NAV1: variants seen among roughly 807,000 people sequenced by gnomAD.
The protein encoded by NAV1 is pore membrane and/or filament interacting like protein 3.
In NAV1, 18 loss-of-function variants were observed where a neutral mutation model predicts 175.2. The ratio of observed to expected loss-of-function variants is 0.10; its 90% CI spans 0.07 to 0.15. NAV1 has a LOEUF of 0.15. Ranked by LOEUF, NAV1 falls within the 10% of genes least tolerant of loss-of-function variation. NAV1 has a pLI of 1.00. For missense variants in NAV1, 1,731 were observed against 2,436.6 expected, an observed-to-expected ratio of 0.71 and a Z score of 6.10; for synonymous variants, 897 against 978.7, an observed-to-expected ratio of 0.92 and a Z score of 1.56.
Position 201,817,085 on chromosome 1 carries a change from CA to C in NAV1, c.5341-2del. 1 of 1,613,646 alleles carries C rather than the reference CA, an allele frequency of 6.2e-7. No homozygotes were observed. Reference sequence around the variant, plus strand: ...CAGTAATCATATTTCACCTTCTTTCCAGGTCCATGGACAGAAAGCTGCTTGG... The same window carrying C: ...CAGTAATCATATTTCACCTTCTTTCCGGTCCATGGACAGAAAGCTGCTTGG... On this transcript the variant is annotated splice_acceptor_variant, in intron 28 of 29. Transcript: ENST00000367296. LOFTEE classifies it high-confidence loss of function.
intron 1 of NAV1, among the ~76,000 whole-genome samples, chr1:201,663,353 GCCCATGA>G (rs144729181): frequency 0.013 from 1,985 of 152,334 alleles, 45 homozygotes; most frequent in African/African-American, 0.044. Context: ...TTATGTTCGA[GCCCATGA>G]CCCATTTCCA....
chr1:201,569,865 C>T (rs371957977), intron 1 of NAV1, among the ~76,000 whole-genome samples: 5 of 152,310 alleles, frequency 3.3e-5, no homozygotes, highest in East Asian at 1.9e-4. Flanking sequence ...AGACATCCAG[C>T]TCTTAGGCTT....
At chr1:201,553,748 A>G (rs1235057958) in intron 1 of NAV1, among the ~76,000 whole-genome samples, 5 of 152,236 alleles carry the variant, frequency 3.3e-5, no homozygotes, top group African/African-American at 1.2e-4. Context: ...AACTTCATAT[A>G]AATGGAATCA....
At chr1:201,553,870 C>G (rs1346977400) in intron 1 of NAV1, among the ~76,000 whole-genome samples, 1 of 152,204 alleles carries the variant, frequency 6.6e-6, no homozygotes, top group Non-Finnish European at 1.5e-5. Context: ...TATGAATGTG[C>G]CACAGTTTGT....
At chr1:201,746,993 C>CA (rs35001839) in intron 3 of NAV1, among the ~76,000 whole-genome samples, 9,774 of 132,748 alleles carry the variant, frequency 0.074, 637 homozygotes, top group African/African-American at 0.19. Context: ...GACCCTGTCT[C>CA]AAAAAAAAAA....
chr1:201,601,387 G>A (rs1399530371), intron 2 of NAV1, among the ~76,000 whole-genome samples: 1 of 152,194 alleles, frequency 6.6e-6, no homozygotes, highest in Non-Finnish European at 1.5e-5. Context: ...GGAGACTAAG[G>A]TGGGAGGATC....
intron 1 of NAV1, among the ~76,000 whole-genome samples, chr1:201,684,016 T>C (rs1023497065): frequency 1.3e-5 from 2 of 151,984 alleles, no homozygotes; most frequent in Admixed American, 1.3e-4. Context: ...CAGTTCTACA[T>C]TTTTTATTTT....
At chr1:201,642,521 C>CTCTTTCTTTCTTTCTTTCTTTCTTTCTT in intron 2 of NAV1, among the ~76,000 whole-genome samples, 1 of 97,872 alleles carries the variant, frequency 1.0e-5, no homozygotes, top group African/African-American at 6.5e-5. Flanking sequence ...CTCTTTCTTT[C>CTCTTTCTTTCTTTCTTTCTTTCTTTCTT]TTTTTTTCTT....
chr1:201,751,903 A>G (rs564218732), intron 3 of NAV1, among the ~76,000 whole-genome samples: 9 of 152,206 alleles, frequency 5.9e-5, no homozygotes, highest in South Asian at 4.1e-4. Flanking sequence ...AAGAATTAAG[A>G]TTCCTTTTTC....
At chr1:201,790,909 T>C (rs556418131) in intron 13 of NAV1, 143 bp downstream of exon 17, 65 of 711,164 alleles carry the variant, frequency 9.1e-5, no homozygotes, top group Middle Eastern at 7.9e-4. Flanking sequence ...AGCTCTATGA[T>C]AGAAGACGAG....
intron 1 of NAV1, among the ~76,000 whole-genome samples, chr1:201,650,892 G>A (rs997940516): frequency 6.6e-6 from 1 of 152,170 alleles, no homozygotes; most frequent in Non-Finnish European, 1.5e-5. Flanking sequence ...AGCTGACCAG[G>A]CAGCCTCACT....
intron 2 of NAV1, among the ~76,000 whole-genome samples, chr1:201,716,879 A>G (rs980958369): frequency 3.3e-5 from 5 of 152,174 alleles, no homozygotes; most frequent in Non-Finnish European, 5.9e-5. Context: ...CCCTGTCTCA[A>G]AAATAAGTAA....
At chr1:201,678,419 C>T (rs1167920107) in intron 1 of NAV1, among the ~76,000 whole-genome samples, 1 of 152,122 alleles carries the variant, frequency 6.6e-6, no homozygotes, top group Non-Finnish European at 1.5e-5. Flanking sequence ...TTTACTCCAA[C>T]TCTTTGAGGT....
At chr1:201,562,434 G>A (rs1186665424) in intron 1 of NAV1, among the ~76,000 whole-genome samples, 1 of 152,140 alleles carries the variant, frequency 6.6e-6, no homozygotes, top group Non-Finnish European at 1.5e-5. Flanking sequence ...TGGGATGGGC[G>A]AAGGTCTGGA....
At chr1:201,697,438 C>T (rs1257730700) in intron 1 of NAV1, among the ~76,000 whole-genome samples, 2 of 152,188 alleles carry the variant, frequency 1.3e-5, no homozygotes, top group Non-Finnish European at 2.9e-5. Flanking sequence ...TTCTGGGCAG[C>T]CCTACCTTGC....
At chr1:201,556,989 C>T (rs892800104) in intron 1 of NAV1, among the ~76,000 whole-genome samples, 4 of 152,126 alleles carry the variant, frequency 2.6e-5, no homozygotes, top group Non-Finnish European at 5.9e-5. Flanking sequence ...GCCAGGGTCC[C>T]GGGAACCCTG....
In NAV1 at chr1:201,539,975, G is replaced by T. The variant is rs2102439497; in HGVS notation, c.-144+633G>T. Among the ~76,000 whole-genome samples the T allele has an allele frequency of 6.6e-6, 1 of 152,370 alleles. No homozygotes were observed. The highest frequency in any genetic ancestry group is 2.1e-4 in the South Asian group (1 of 4,828). On this transcript the variant is annotated intron_variant, in intron 1 of 33. Coordinates refer to the NAV1 transcript ENST00000685211. The surrounding 1 kb of genome is among the most constrained non-coding windows in gnomAD (Gnocchi z 5.6). ...GGAGAAAGTGGTCCCGGAGGAGAGG[G>T]GAGAGAGGAGAACGCAGAAATTGGG...
At chr1:201,784,585 T>TTTTA (rs1676577320) in intron 7 of NAV1, among the ~76,000 whole-genome samples, 1 of 149,092 alleles carries the variant, frequency 6.7e-6, no homozygotes, top group African/African-American at 2.5e-5. Flanking sequence ...TTTTTTTTTT[T>TTTTA]GAGATGGGGT....
intron 1 of NAV1, among the ~76,000 whole-genome samples, chr1:201,549,077 C>CTT (rs1553236472): frequency 5.4e-5 from 7 of 130,106 alleles, no homozygotes; most frequent in Admixed American, 7.8e-5. Context: ...TTCTAGTTTT[C>CTT]TCTTTCTTTC....
Sources: allele counts gnomAD v4.1 joint callset (sites outside exome capture counted in the v4.1 genomes callset), GRCh38; gene constraint gnomAD v4.1.1; non-coding constraint Gnocchi (gnomAD v3.1); transcripts MANE v1.5; gene names NCBI Gene and HGNC (gene_info 2026-07-23, HGNC 2026-07-21).